Variants in ZNF281 observed in about 807,000 individuals in gnomAD.
ZNF281 encodes the protein zinc finger protein 281.
In ZNF281, 2 loss-of-function variants were observed where a neutral mutation model predicts 58.8. The ratio of observed to expected loss-of-function variants is 0.03; its 90% confidence interval spans 0.01 to 0.11. The LOEUF is 0.11. ZNF281 is among the 10% of genes least tolerant of loss of function. The pLI is 1.00. For missense variants in ZNF281, 975 were observed against 1,090.7 expected, an observed-to-expected ratio of 0.89 and a Z score of 1.49; for synonymous variants, 465 against 407.7, an observed-to-expected ratio of 1.14 and a Z score of -1.69.
intron 1 of ZNF281, 57 bp from the exon 2 acceptor site, chr1:200,409,780 G>A (rs1654572568): frequency 1.3e-6 from 2 of 1,514,596 alleles, no homozygotes; most frequent in East Asian, 2.4e-5. Context: ...ACCGGGCCCC[G>A]GGCCGGGACC....
rs562709543 is a variant in ZNF281, at chr1:200,405,632, T to C, written c.*1386A>G. ...CCAATCAGTAGCTTCAAATGGCAAT[T>C]AGAGTTCATAGCAAGTTTTGATGAC... On this transcript the variant is annotated 3_prime_UTR_variant, in exon 2 of 2. Transcript: ENST00000367353. The C allele has an allele frequency of 4.6e-5, 7 of 152,196 alleles. No homozygotes were observed. The highest frequency in any genetic ancestry group is 6.5e-5 in the Admixed American group (1 of 15,282). 9.4% of individuals were successfully genotyped at this position (152,196 alleles called of 1,614,324 possible). A position where few individuals can be genotyped will look rare whatever the true frequency, so the allele number is the denominator to read the frequency against.
rs762046300 is a variant in ZNF281 at position 200,408,568 on chromosome 1, G to C, written c.1138C>G (p.Pro380Ala). Residue 380 changes from proline to alanine, a missense_variant, in exon 2 of 2, where the codon CCT (proline) becomes GCT (alanine). This residue lies in a region of ZNF281 where 579 missense variants were observed against 608.9 expected (regional missense o/e 0.95). Transcript: ENST00000367353. ...ATATTGGTATGGTTTGATGACCCAG[G>C]TTCTGCACTAGTGGCTCCTTTAACT... ...VIVKGATSAE[P>A]GSSNHTNMGN... 1.6e-5 allele frequency: 26 copies of C among 1,614,070 alleles called. No individual in the cohort carries two copies. Among genetic ancestry groups the C allele is most frequent in the Middle Eastern group, 1.6e-4 (1 of 6,084 alleles).
chr1:200,407,264 T>C lies in ZNF281; in HGVS notation c.2442A>G (p.Ile814Met), dbSNP rs1654477415. The C allele has an allele frequency of 3.1e-6, 5 of 1,614,142 alleles. No homozygotes were observed. The highest frequency in any genetic ancestry group is 3.4e-6 in the Non-Finnish European group (4 of 1,180,056). The change falls in exon 2 of 2, where the codon ATA (isoleucine) becomes ATG (methionine). Residue 814 changes from isoleucine (I) to methionine (M), a missense_variant. Ile to Met is a conservative substitution (Grantham distance 10). Around this residue, in one of 3 missense-constraint regions of ZNF281, gnomAD observed 579 missense variants for 608.9 expected, o/e 0.95. Transcript: ENST00000367353. ...TAGGCTCTATGTCTTTCTGAGGATC[T>C]ATCTGGCTAGCTAACTCCTGAGATG... ...QIPSQELASQ[I>M]DPQKDIEPRT...
Position 200,408,877 on chromosome 1 carries a change from G to T in ZNF281, c.829C>A (p.Arg277=), listed in dbSNP as rs1654526736. ...CCTGTATGAATGAGGACATGTCTCCGCAGGTGATAGGAGCTTCGGAAAGCA... is the reference window on the plus strand; with the variant it reads ...CCTGTATGAATGAGGACATGTCTCCTCAGGTGATAGGAGCTTCGGAAAGCA... The part of the protein sequence containing the change: ...SAAFRSSYHL[R]RHVLIHTGER... Residue 277 remains arginine, a synonymous_variant, in exon 2 of 2, where the codon CGG becomes AGG. Coordinates refer to ENST00000367353, the MANE Select transcript of ZNF281 (RefSeq NM_001281293.2). The T allele has an allele frequency of 6.2e-7, 1 of 1,614,090 alleles. No individual in the cohort carries two copies. The highest frequency in any genetic ancestry group is 8.5e-7 in the Non-Finnish European group (1 of 1,180,042).
Position 200,409,594 on chromosome 1 carries a change from TGCCGCTGCTGCCGCCGCCGCC to T in ZNF281, c.91_111del (p.Gly31_Gly37del). ...AAGGTGGGTTCCATCTCTGCCCTCC[TGCCGCTGCTGCCGCCGCCGCC>T]GCCGCCGCCACTACCACCGCCGCCG... On this transcript the variant is annotated inframe_deletion, in exon 2 of 2. Coordinates refer to ENST00000367353, the MANE Select transcript of ZNF281 (RefSeq NM_001281293.2). The T allele has an allele frequency of 6.5e-7, 1 of 1,548,430 alleles. No homozygotes were observed. The highest frequency in any genetic ancestry group is 8.7e-7 in the Non-Finnish European group (1 of 1,146,634).
Position 200,406,931 on chromosome 1 carries a change from G to T in ZNF281, c.*87C>A. The T allele has an allele frequency of 2.3e-6, 3 of 1,317,056 alleles. No homozygotes were observed. In the South Asian group the frequency reaches 4.5e-5, roughly 20 times the overall value. The allele number at this position is 1,317,056 out of a possible 1,614,324, so 81.6% of individuals were successfully genotyped here. On this transcript the variant is annotated 3_prime_UTR_variant, in exon 2 of 2. Coordinates refer to ENST00000367353, the MANE Select transcript of ZNF281 (RefSeq NM_001281293.2). Reference sequence around the variant, plus strand: ...AAGGGCATCACATTATTCTTAATAGGATCGTGTAGAAACATTCCAATGGCA... The same window carrying T: ...AAGGGCATCACATTATTCTTAATAGTATCGTGTAGAAACATTCCAATGGCA...
chr1:200,406,980 T>C lies in ZNF281; in HGVS notation c.*38A>G, dbSNP rs781078928. Reference sequence around the variant, plus strand: ...CAGTGTTCTCAAAATAAAACAAAATTACATTAGAAGACCTCCAGCCTGGCC... The same window carrying C: ...CAGTGTTCTCAAAATAAAACAAAATCACATTAGAAGACCTCCAGCCTGGCC... On this transcript the variant is annotated 3_prime_UTR_variant, in exon 2 of 2. Coordinates refer to ENST00000367353, the MANE Select transcript of ZNF281 (RefSeq NM_001281293.2). 3.9e-6 allele frequency: 6 copies of C among 1,539,862 alleles called. No individual in the cohort carries two copies. The highest frequency in any genetic ancestry group is 3.5e-4 in the Middle Eastern group (2 of 5,692).
rs747140309 is a variant in ZNF281 at position 200,408,185 on chromosome 1, T to G, written c.1521A>C (p.Ser507=). 1 of 1,613,896 alleles carries G rather than the reference T, an allele frequency of 6.2e-7. No individual in the cohort carries two copies. The highest frequency in any genetic ancestry group is 2.2e-5 in the East Asian group (1 of 44,884). Residue 507 remains serine, a synonymous_variant, in exon 2 of 2, where the codon TCA becomes TCC. Transcript: ENST00000367353. ...GACCAATGGTCTCCACACTATTATT[T>G]GATACTATGCCAAGTGAGCCACTTG... ...GKPSGSLGIV[S]NNSVETIGLL... is the part of the protein sequence containing the mutation.
In ZNF281 at chr1:200,408,275, T is replaced by G; in HGVS notation, c.1431A>C (p.Lys477Asn). Reference protein sequence around the residue: ...FKKGSRKNTDKNYLNFVSPLP... With the variant: ...FKKGSRKNTDNNYLNFVSPLP... ...ATGGTGACACAAAGTTAAGGTAGTT[T>G]TTATCTGTATTCTTTCTGCTTCCTT... is the stretch of plus-strand genomic sequence containing the variant. The change falls in exon 2 of 2, where the codon AAA (lysine) becomes AAC (asparagine). Residue 477 changes from lysine (K) to asparagine (N), a missense_variant. By Grantham distance (94) the Lys-to-Asn change is moderately conservative (BLOSUM62 0). Around this residue, in one of 3 missense-constraint regions of ZNF281, gnomAD observed 579 missense variants for 608.9 expected, o/e 0.95. Coordinates refer to ENST00000367353, the MANE Select transcript of ZNF281 (RefSeq NM_001281293.2). The G allele has an allele frequency of 6.2e-7, 1 of 1,611,444 alleles. No individual in the cohort carries two copies. Among genetic ancestry groups the G allele is most frequent in the East Asian group, 2.2e-5 (1 of 44,882 alleles).
rs977103634 is a variant in ZNF281, at chr1:200,407,304, G to A, written c.2402C>T (p.Thr801Ile). 6 of 1,614,150 alleles carry A rather than the reference G, an allele frequency of 3.7e-6. No homozygotes were observed. Among genetic ancestry groups the A allele is most frequent in the Non-Finnish European group, 4.2e-6 (5 of 1,180,040 alleles). Reference protein sequence around the residue: ...QKEQKNLESSTGFQIPSQELA... With the variant: ...QKEQKNLESSIGFQIPSQELA... ...CTCCTGAGATGGAATCTGAAAGCCT[G>A]TTGAAGACTCTAAGTTTTTCTGTTC... is the stretch of plus-strand genomic sequence containing the variant. The change falls in exon 2 of 2, where the codon ACA (threonine) becomes ATA (isoleucine). Residue 801 changes from threonine (T) to isoleucine (I), a missense_variant. Thr to Ile is a moderately conservative substitution (Grantham distance 89). This residue lies in a region of ZNF281 where 579 missense variants were observed against 608.9 expected (regional missense o/e 0.95). Transcript: ENST00000367353.
chr1:200,408,177 C>T lies in ZNF281; in HGVS notation c.1529G>A (p.Ser510Asn), dbSNP rs758706522. ...SGSLGIVSNNSVETIGLLQST... is the reference protein window; with the variant it reads ...SGSLGIVSNNNVETIGLLQST... ...TTGGAGAAGACCAATGGTCTCCACACTATTATTTGATACTATGCCAAGTGA... is the reference window on the plus strand; with the variant it reads ...TTGGAGAAGACCAATGGTCTCCACATTATTATTTGATACTATGCCAAGTGA... The change falls in exon 2 of 2, where the codon AGT (serine) becomes AAT (asparagine). Residue 510 changes from serine to asparagine, a missense_variant. Ser to Asn is a conservative substitution (Grantham distance 46, BLOSUM62 1). This residue lies in a region of ZNF281 where 579 missense variants were observed against 608.9 expected (regional missense o/e 0.95). Transcript: ENST00000367353. 9.3e-6 allele frequency: 15 copies of T among 1,613,980 alleles called. No individual in the cohort carries two copies. In the South Asian group the frequency reaches 1.5e-4, roughly 17 times the overall value.
chr1:200,409,625 ACTACCACCGCCGCCGGAGCCG>A lies in ZNF281; in HGVS notation c.60_80del (p.Ser22_Gly28del), dbSNP rs781275708. Reference sequence around the variant, plus strand: ...TGCTGCCGCCGCCGCCGCCGCCGCCACTACCACCGCCGCCGGAGCCGCTACCACCGCTACTGCCGGTACCTC... The same window carrying A: ...TGCTGCCGCCGCCGCCGCCGCCGCCACTACCACCGCTACTGCCGGTACCTC... On this transcript the variant is annotated inframe_deletion, in exon 2 of 2. Coordinates refer to ENST00000367353, the MANE Select transcript of ZNF281 (RefSeq NM_001281293.2). The A allele has an allele frequency of 8.5e-6, 13 of 1,537,334 alleles. No individual in the cohort carries two copies. Among genetic ancestry groups the A allele is most frequent in the East Asian group, 2.5e-5 (1 of 40,176 alleles).
In ZNF281 at chr1:200,408,567, G is replaced by T. The variant is rs144057804; in HGVS notation, c.1139C>A (p.Pro380His). The change falls in exon 2 of 2, where the codon CCT (proline) becomes CAT (histidine). Residue 380 changes from proline (P) to histidine (H), a missense_variant. This residue lies in a region of ZNF281 where 579 missense variants were observed against 608.9 expected (regional missense o/e 0.95). Transcript: ENST00000367353. Reference protein sequence around the residue: ...VIVKGATSAEPGSSNHTNMGN... With the variant: ...VIVKGATSAEHGSSNHTNMGN... ...CATATTGGTATGGTTTGATGACCCA[G>T]GTTCTGCACTAGTGGCTCCTTTAAC... is the stretch of plus-strand genomic sequence containing the variant. The T allele has an allele frequency of 7.4e-6, 12 of 1,614,192 alleles. No individual in the cohort carries two copies. Among genetic ancestry groups the T allele is most frequent in the Non-Finnish European group, 9.3e-6 (11 of 1,180,036 alleles).
At position 200,409,742 on chromosome 1, in the gene ZNF281, A is replaced by T; in HGVS notation, c.-18-19T>A. On this transcript the variant is annotated intron_variant, in intron 1 of 1. Coordinates refer to ENST00000367353, the MANE Select transcript of ZNF281 (RefSeq NM_001281293.2). ...GGCCTGGCTGAAGAAAGGAGGAGGA[A>T]GAGGGAAGAGGGAGGAAAGGAGGTG... 1.3e-6 allele frequency: 2 copies of T among 1,583,526 alleles called. No homozygotes were observed.
At position 200,406,411 on chromosome 1, in the gene ZNF281, T is replaced by C. The variant is rs1654451124; in HGVS notation, c.*607A>G. 6.6e-6 allele frequency: 1 copy of C among 152,592 alleles called. No homozygotes were observed. Among genetic ancestry groups the C allele is most frequent in the South Asian group, 2.1e-4 (1 of 4,838 alleles). The allele number at this position is 152,592 out of a possible 1,614,324, so 9.5% of individuals were successfully genotyped here. A position where few individuals can be genotyped will look rare whatever the true frequency, so the allele number is the denominator to read the frequency against. The stretch of plus-strand genomic sequence containing the variant: ...TACATTTAAAAGCTGCAACAAAATA[T>C]AGGTAGCCAACAATCTCAGAATTTT... On this transcript the variant is annotated 3_prime_UTR_variant, in exon 2 of 2. Transcript: ENST00000367353.
In ZNF281 at chr1:200,409,635, C is replaced by G. The variant is rs1558006468; in HGVS notation, c.71G>C (p.Gly24Ala). 1 of 1,550,180 alleles carries G rather than the reference C, an allele frequency of 6.5e-7. No individual in the cohort carries two copies. The highest frequency in any genetic ancestry group is 8.7e-7 in the Non-Finnish European group (1 of 1,148,724). The change falls in exon 2 of 2, where the codon GGC becomes GCC. Residue 24 changes from glycine (G) to alanine (A), a missense_variant. This residue lies in a region of ZNF281 where 370 missense variants were observed against 360.9 expected (regional missense o/e 1.03). Transcript: ENST00000367353. ...TGSSGGSGSG[G>A]GGSGGGGGGG... ...GCCGCCGCCGCCGCCACTACCACCG[C>G]CGCCGGAGCCGCTACCACCGCTACT...
chr1:200,408,674 T>C lies in ZNF281; in HGVS notation c.1032A>G (p.Pro344=), dbSNP rs780686189. 1.2e-5 allele frequency: 20 copies of C among 1,614,256 alleles called. No homozygotes were observed. The South Asian group carries it at 2.2e-4, about 18-fold the overall frequency. ...RHKRTHSGEK[P]YKCDTCQQYF... ...ACTGTTGGCAAGTGTCACACTTATA[T>C]GGCTTTTCTCCACTATGTGTCCTCT... Residue 344 remains proline, a synonymous_variant, in exon 2 of 2, where the codon CCA becomes CCG. Transcript: ENST00000367353.
At position 200,410,014 on chromosome 1, in the gene ZNF281, G is replaced by C; in HGVS notation, c.-87C>G. On this transcript the variant is annotated 5_prime_UTR_variant, in exon 1 of 2. Coordinates refer to ENST00000367353, the MANE Select transcript of ZNF281 (RefSeq NM_001281293.2). Reference sequence around the variant, plus strand: ...AAATAACGCCGTCCTCTCCACAATGGAATTAAAAGCCTCCCGTGTACTGCG... The same window carrying C: ...AAATAACGCCGTCCTCTCCACAATGCAATTAAAAGCCTCCCGTGTACTGCG... The C allele has an allele frequency of 1.9e-6, 1 of 524,444 alleles. No homozygotes were observed. Among genetic ancestry groups the C allele is most frequent in the Non-Finnish European group, 3.4e-6 (1 of 295,084 alleles). 32.5% of individuals were successfully genotyped at this position (524,444 alleles called of 1,614,324 possible). A position where few individuals can be genotyped will look rare whatever the true frequency, so the allele number is the denominator to read the frequency against.
chr1:200,409,974 G>A lies in ZNF281; in HGVS notation c.-47C>T. The A allele has an allele frequency of 8.4e-6, 5 of 593,166 alleles. No individual in the cohort carries two copies. The highest frequency in any genetic ancestry group is 1.9e-5 in the African/African-American group (1 of 52,434). The allele number at this position is 593,166 out of a possible 1,614,324, so 36.7% of individuals were successfully genotyped here. A position where few individuals can be genotyped will look rare whatever the true frequency, so the allele number is the denominator to read the frequency against. On this transcript the variant is annotated 5_prime_UTR_variant, in exon 1 of 2. Transcript: ENST00000367353. The stretch of plus-strand genomic sequence containing the variant: ...TCCCGCCGCCGCCGCAGCCGCCGTC[G>A]CCTCCAGTTAATAAAAATAACGCCG...
Sources: allele counts gnomAD v4.1 joint callset, GRCh38; gene constraint gnomAD v4.1.1; regional missense constraint gnomAD v4.1.1; transcripts MANE v1.5; gene names NCBI Gene and HGNC (gene_info 2026-07-23, HGNC 2026-07-21).